The following KSR1 variants were observed in gnomAD, a reference collection of about 807,000 sequenced individuals.
KSR1 encodes kinase suppressor of ras 1, also known as kinase suppressor of ras.
Under a neutral mutation model 92.9 loss-of-function variants are expected in KSR1, and 35 were observed. That is an observed-to-expected ratio of 0.38 (90% CI 0.29 to 0.50). The LOEUF is 0.50. Among genes scored for constraint, KSR1 ranks in the 20% least tolerant of loss-of-function variants. The pLI, the probability that KSR1 is intolerant of heterozygous loss-of-function variation, is 0.94. For synonymous variants in KSR1, 467 were observed against 472.6 expected, an observed-to-expected ratio of 0.99 and a Z score of 0.15; for missense variants, 972 against 1,158.5, an observed-to-expected ratio of 0.84 and a Z score of 2.34.
chr17:27,456,534 G>A lies in KSR1; in HGVS notation c.-110G>A, dbSNP rs1407580386. 2 of 410,346 alleles carry A rather than the reference G, an allele frequency of 4.9e-6. No individual in the cohort carries two copies. Among genetic ancestry groups the A allele is most frequent in the African/African-American group, 2.1e-5 (1 of 47,724 alleles). The allele number at this position is 410,346 out of a possible 1,614,324, so 25.4% of individuals were successfully genotyped here. On this transcript the variant is annotated 5_prime_UTR_variant, in exon 1 of 21. Coordinates refer to ENST00000644974, the MANE Select transcript of KSR1 (RefSeq NM_001394583.1). ...CGGCTCTACCGGCGTCCCGGCTCGG[G>A]CAGCGCCGAGGGGCGCTCCTGGTCC...
chr17:27,526,154 C>A, intron 1 of KSR1, among the ~76,000 whole-genome samples: 1 of 144,348 alleles, frequency 6.9e-6, no homozygotes, highest in Admixed American at 7.1e-5. Flanking sequence ...AGAGACATTA[C>A]ATTCAGAATT....
chr17:27,599,818 CTTTT>C (rs1200902844), intron 10 of KSR1, among the ~76,000 whole-genome samples: 1 of 151,364 alleles, frequency 6.6e-6, no homozygotes, highest in Non-Finnish European at 1.5e-5. Context: ...TGTACAAAAA[CTTTT>C]TTTTTGAATT....
chr17:27,560,792 CTCTT>C (rs2071798295), intron 2 of KSR1, among the ~76,000 whole-genome samples: 1 of 152,204 alleles, frequency 6.6e-6, no homozygotes, highest in Non-Finnish European at 1.5e-5. Context: ...CCCATACTCT[CTCTT>C]TGAGAGCCAG....
intron 1 of KSR1, among the ~76,000 whole-genome samples, chr17:27,500,898 A>G (rs142387427): frequency 6.6e-6 from 1 of 152,346 alleles, no homozygotes; most frequent in Admixed American, 6.5e-5. Context: ...CCTTGGCTTT[A>G]TCAGGAGATC....
chr17:27,463,202 C>T (rs145239432), intron 1 of KSR1, among the ~76,000 whole-genome samples: 52 of 152,252 alleles, frequency 3.4e-4, no homozygotes, highest in African/African-American at 1.2e-3. Context: ...ATCACACTGA[C>T]GGCCAAGAGT....
At chr17:27,611,837 C>T (rs899268096) in intron 18 of KSR1, among the ~76,000 whole-genome samples, 5 of 152,092 alleles carry the variant, frequency 3.3e-5, no homozygotes, top group Admixed American at 6.5e-5. Context: ...TCTATCCTCA[C>T]CCCACTGCTC....
intron 1 of KSR1, among the ~76,000 whole-genome samples, chr17:27,537,574 G>T (rs62057795): frequency 6.6e-6 from 1 of 152,066 alleles, no homozygotes; most frequent in Non-Finnish European, 1.5e-5. Context: ...ACCTGTAATC[G>T]CAGCTACTTG....
At chr17:27,566,414 G>T (rs2151127795) in intron 2 of KSR1, 1 of 399,298 alleles carries the variant, frequency 2.5e-6, no homozygotes, top group East Asian at 3.6e-5. Context: ...CACTGCACTG[G>T]GGGCCAGGGC....
intron 17 of KSR1, among the ~76,000 whole-genome samples, chr17:27,610,558 G>T (rs1351474740): frequency 2.0e-5 from 3 of 152,200 alleles, no homozygotes; most frequent in Admixed American, 6.5e-5. Context: ...CAGTCTGGGG[G>T]AGCTGGATAT....
At chr17:27,602,013 T>A in intron 11 of KSR1, 1 of 1,228,060 alleles carries the variant, frequency 8.1e-7, no homozygotes, top group Non-Finnish European at 1.2e-6. Flanking sequence ...ACTTACTATG[T>A]ACCAACCTTT....
rs138475027 is a variant in KSR1, at chr17:27,562,621, C to T, written c.372+11913C>T. ...TGTTCCCTCCTCCTCCTAGGACCAC[C>T]TCAAAGGCAAGATTGCTCTAGAACA... On this transcript the variant is annotated intron_variant, in intron 2 of 20. Coordinates refer to ENST00000644974, the MANE Select transcript of KSR1 (RefSeq NM_001394583.1). 4.4e-3 allele frequency among the ~76,000 whole-genome samples: 668 copies of T among 152,348 alleles called. 4 individuals are homozygous for T. Among genetic ancestry groups the T allele is most frequent in the South Asian group, 0.011 (55 of 4,830 alleles).
intron 9 of KSR1, among the ~76,000 whole-genome samples, chr17:27,595,283 G>A (rs942882524): frequency 6.6e-6 from 1 of 152,220 alleles, no homozygotes; most frequent in Non-Finnish European, 1.5e-5. Flanking sequence ...CTCTCTGTTG[G>A]TCTTTTGGCC....
At chr17:27,505,091 C>T (rs1399779862) in intron 1 of KSR1, among the ~76,000 whole-genome samples, 9 of 152,130 alleles carry the variant, frequency 5.9e-5, no homozygotes, top group Non-Finnish European at 1.2e-4. Context: ...GGGATTGGGA[C>T]GGGAGCCCTG....
In KSR1 at chr17:27,605,640, C is replaced by T. The variant is rs773071005; in HGVS notation, c.1821C>T (p.Arg607=). ...AGGGCCGCTGGGGCCGGGTGCACCG[C>T]GGCCGCTGGCATGGCGAGGTGGCCA... ...IGQGRWGRVH[R]GRWHGEVAIR... The change falls in exon 14 of 21, where the codon CGC becomes CGT. Residue 607 remains arginine (R), a synonymous_variant. Coordinates refer to ENST00000644974, the MANE Select transcript of KSR1 (RefSeq NM_001394583.1). 6.8e-6 allele frequency: 11 copies of T among 1,610,766 alleles called. No homozygotes were observed. Among genetic ancestry groups the T allele is most frequent in the South Asian group, 1.1e-5 (1 of 90,606 alleles).
chr17:27,507,851 A>T (rs777028356), intron 1 of KSR1, among the ~76,000 whole-genome samples: 3 of 152,136 alleles, frequency 2.0e-5, no homozygotes, highest in Non-Finnish European at 4.4e-5. Flanking sequence ...CTGGGATTAC[A>T]GGTGTGAGCT....
chr17:27,544,775 A>C (rs1312016745), intron 1 of KSR1, among the ~76,000 whole-genome samples: 1 of 152,228 alleles, frequency 6.6e-6, no homozygotes, highest in Admixed American at 6.5e-5. Context: ...GCTACCAATG[A>C]AAGGTCCCCT....
chr17:27,476,650 C>T (rs902332160), intron 1 of KSR1, among the ~76,000 whole-genome samples: 39 of 152,234 alleles, frequency 2.6e-4, no homozygotes, highest in African/African-American at 9.2e-4. Flanking sequence ...AAATGTTAGA[C>T]AGCCACAGAT....
At chr17:27,593,213 C>A (rs897710948) in intron 9 of KSR1, among the ~76,000 whole-genome samples, 1 of 152,234 alleles carries the variant, frequency 6.6e-6, no homozygotes, top group Non-Finnish European at 1.5e-5. Flanking sequence ...TCCTCTGCAG[C>A]TAGACAGAGT....
At chr17:27,609,171 T>C in intron 15 of KSR1, 25 bp from the exon 16 acceptor site, 1 of 1,603,608 alleles carries the variant, frequency 6.2e-7, no homozygotes, top group Non-Finnish European at 8.5e-7. Context: ...TTGCACATCT[T>C]CACTCCTCCT....
Sources: allele counts gnomAD v4.1 joint callset (sites outside exome capture counted in the v4.1 genomes callset), GRCh38; gene constraint gnomAD v4.1.1; transcripts MANE v1.5; gene names NCBI Gene and HGNC (gene_info 2026-07-23, HGNC 2026-07-21).